The following KLHL22 variants were observed in gnomAD, a reference collection of about 807,000 sequenced individuals.
KLHL22 encodes kelch-like protein 22.
In KLHL22, 18 loss-of-function variants were observed where a neutral mutation model predicts 60.7. The ratio of observed to expected loss-of-function variants is 0.30; its 90% CI spans 0.20 to 0.44. The LOEUF is 0.44. KLHL22 is among the 20% of genes least tolerant of loss of function. The pLI, the probability that KLHL22 is intolerant of heterozygous loss-of-function variation, is 1.00. For missense variants in KLHL22, 596 were observed against 852.3 expected (o/e 0.70, Z 3.74); for synonymous variants, 355 against 354.5 (o/e 1.00, Z -0.01).
intron 4 of KLHL22, among the ~76,000 whole-genome samples, chr22:20,458,488 C>T (rs1321551565): frequency 7.5e-6 from 1 of 133,442 alleles, no homozygotes; most frequent in Admixed American, 8.1e-5. Flanking sequence ...AAGGTCTTGA[C>T]ACCTGGGATA....
chr22:20,469,476 T>A (rs531358330), intron 3 of KLHL22, among the ~76,000 whole-genome samples: 1 of 152,276 alleles, frequency 6.6e-6, no homozygotes, highest in South Asian at 2.1e-4. Flanking sequence ...AATCAGGAGT[T>A]AACTGCTGCC....
intron 4 of KLHL22, among the ~76,000 whole-genome samples, chr22:20,458,773 C>G (rs1190780463): frequency 6.6e-6 from 1 of 152,102 alleles, no homozygotes; most frequent in African/African-American, 2.4e-5. Context: ...ACACAAGGCT[C>G]TGGTCATCGT....
At chr22:20,484,254 A>G (rs2053551876) in intron 2 of KLHL22, 2 of 388,598 alleles carry the variant, frequency 5.1e-6, no homozygotes, top group South Asian at 2.1e-5. Flanking sequence ...CAGCCTCCCA[A>G]AGTGCTAGGA....
At position 20,465,004 on chromosome 22, in the gene KLHL22, G is replaced by GTT. The variant is rs1352229559; in HGVS notation, c.964_965dup (p.Asn322LysfsTer33). On this transcript the variant is annotated frameshift_variant, in exon 4 of 7. Coordinates refer to ENST00000328879, the MANE Select transcript of KLHL22 (RefSeq NM_032775.4). LOFTEE classifies it high-confidence loss of function. The surrounding 1 kb of genome is among the most constrained non-coding windows in gnomAD (Gnocchi z 4.9). ...AGTGCTTCCACTCTCCCAGTAAGGG[G>GTT]TTTAGATACTTGGCCTGGTCGCTGA... The GTT allele has an allele frequency of 3.1e-6, 5 of 1,612,028 alleles. No homozygotes were observed. The highest frequency in any genetic ancestry group is 1.3e-5 in the African/African-American group (1 of 74,922).
intron 2 of KLHL22, chr22:20,488,681 A>AGGGCGGGGAGGGGAGGGGAGAGGAG: frequency 2.6e-6 from 1 of 382,704 alleles, no homozygotes; most frequent in Non-Finnish European, 4.8e-6. Context: ...AGGAATGGTA[A>AGGGCGGGGAGGGGAGGGGAGAGGAG]GGGAGGGGAG....
At chr22:20,472,504 T>A (rs1352559832) in intron 2 of KLHL22, among the ~76,000 whole-genome samples, 1 of 152,062 alleles carries the variant, frequency 6.6e-6, no homozygotes, top group Non-Finnish European at 1.5e-5. Context: ...GGCGGGCAGA[T>A]CACCTGAGGT....
chr22:20,450,980 G>A (rs2052967696), intron 5 of KLHL22: 27 of 1,580,454 alleles, frequency 1.7e-5, no homozygotes, highest in Non-Finnish European at 2.3e-5. Flanking sequence ...GTGGCTGGGG[G>A]CTTCGGAAGC....
chr22:20,442,041 C>T lies in KLHL22; in HGVS notation c.*32G>A. 6.7e-7 allele frequency: 1 copy of T among 1,489,662 alleles called. No individual in the cohort carries two copies. The allele number at this position is 1,489,662 out of a possible 1,614,324, so 92.3% of individuals were successfully genotyped here. ...GGTTTCACTGCCCTGCAGCCCCAGC[C>T]TCCCTTCCCTCTGATGCCAGGCACA... On this transcript the variant is annotated 3_prime_UTR_variant, in exon 7 of 7. Coordinates refer to ENST00000328879, the MANE Select transcript of KLHL22 (RefSeq NM_032775.4).
In KLHL22 at chr22:20,493,159, A is replaced by C. The variant is rs559282354; in HGVS notation, c.-34+2601T>G. ...AGGTGGATCCTCACCTTCCGTGAGC[A>C]TAGTAGTGCCTCTGCTCTCTTGGGA... On this transcript the variant is annotated intron_variant, in intron 1 of 6. Transcript: ENST00000328879. The C allele has an allele frequency of 2.3e-5, 11 of 471,280 alleles. No homozygotes were observed. The Admixed American group carries it at 2.6e-4, about 11-fold the overall frequency. The allele number at this position is 471,280 out of a possible 1,614,324, so 29.2% of individuals were successfully genotyped here.
intron 2 of KLHL22, among the ~76,000 whole-genome samples, chr22:20,484,268 C>T (rs2053552080): frequency 6.6e-6 from 1 of 152,098 alleles, no homozygotes; most frequent in African/African-American, 2.4e-5. Flanking sequence ...GCTAGGATTA[C>T]AGGCATGAGC....
intron 6 of KLHL22, 26 bp downstream of exon 6, chr22:20,446,417 T>C: frequency 3.2e-6 from 4 of 1,268,214 alleles, no homozygotes; most frequent in South Asian, 1.2e-5. Flanking sequence ...TGATGACGGG[T>C]GTGGACTGCC....
intron 1 of KLHL22, among the ~76,000 whole-genome samples, chr22:20,493,598 A>G (rs1254092421): frequency 6.7e-6 from 1 of 148,432 alleles, no homozygotes; most frequent in Non-Finnish European, 1.5e-5. Context: ...TGGCCAACAT[A>G]GTGAAACCCC....
chr22:20,473,588 A>T (rs1288933285), intron 2 of KLHL22, among the ~76,000 whole-genome samples: 5 of 152,238 alleles, frequency 3.3e-5, no homozygotes, highest in African/African-American at 9.6e-5. Flanking sequence ...AATACAGTAT[A>T]GGTTAGGCCG....
chr22:20,444,490 C>A (rs1020983605), intron 6 of KLHL22, among the ~76,000 whole-genome samples: 1 of 152,086 alleles, frequency 6.6e-6, no homozygotes, highest in Non-Finnish European at 1.5e-5. Context: ...TCGCCAAGAC[C>A]CACCCTCAGG....
intron 2 of KLHL22, chr22:20,484,103 C>A: frequency 1.1e-6 from 1 of 929,876 alleles, no homozygotes; most frequent in South Asian, 1.3e-5. Flanking sequence ...TGGTGAAGCT[C>A]ATGCTGTCCG....
At chr22:20,452,636 A>AT (rs2052997922) in intron 5 of KLHL22, among the ~76,000 whole-genome samples, 1 of 152,240 alleles carries the variant, frequency 6.6e-6, no homozygotes, top group African/African-American at 2.4e-5. Context: ...GGAGTTCAGT[A>AT]TAACTGGGGA....
At chr22:20,474,639 G>T (rs112756688) in intron 2 of KLHL22, among the ~76,000 whole-genome samples, 5,414 of 152,186 alleles carry the variant, frequency 0.036, 316 homozygotes, top group African/African-American at 0.12. Flanking sequence ...TGATCCACCC[G>T]CCTCAGCCTC....
Position 20,465,623 on chromosome 22 carries a change from T to TCTGGAGATG in KLHL22, c.394-48_394-47insCATCTCCAG. On this transcript the variant is annotated intron_variant, in intron 3 of 6. Coordinates refer to ENST00000328879, the MANE Select transcript of KLHL22 (RefSeq NM_032775.4). This position sits in a 1 kb window ranked among gnomAD's most constrained non-coding sequence, Gnocchi z 4.9. ...TTCAAGCCTGGGCTGGTGAACAGCA[T>TCTGGAGATG]CTGGGGGTGGGAGAGAGAATGATGG... The TCTGGAGATG allele has an allele frequency of 1.1e-6, 1 of 933,712 alleles. No homozygotes were observed. Among genetic ancestry groups the TCTGGAGATG allele is most frequent in the South Asian group, 1.3e-5 (1 of 77,580 alleles). 57.8% of individuals were successfully genotyped at this position (933,712 alleles called of 1,614,324 possible).
Position 20,465,628 on chromosome 22 carries a change from G to A in KLHL22, c.394-52C>T, listed in dbSNP as rs746756326. The A allele has an allele frequency of 3.3e-6, 3 of 895,642 alleles. No homozygotes were observed. The highest frequency in any genetic ancestry group is 5.7e-6 in the Non-Finnish European group (3 of 525,818). 55.5% of individuals were successfully genotyped at this position (895,642 alleles called of 1,614,324 possible). A position where few individuals can be genotyped will look rare whatever the true frequency, so the allele number is the denominator to read the frequency against. On this transcript the variant is annotated intron_variant, in intron 3 of 6. Coordinates refer to ENST00000328879, the MANE Select transcript of KLHL22 (RefSeq NM_032775.4). This position sits in a 1 kb window ranked among gnomAD's most constrained non-coding sequence, Gnocchi z 4.9. ...GCCTGGGCTGGTGAACAGCATCTGG[G>A]GGTGGGAGAGAGAATGATGGCAGAA...
Sources: gnomAD v4.1 joint callset for allele counts (sites outside exome capture counted in the v4.1 genomes callset) on GRCh38, gnomAD v4.1.1 for gene constraint, Gnocchi (gnomAD v3.1) non-coding constraint, MANE v1.5 for transcripts, NCBI Gene and HGNC (gene_info 2026-07-23, HGNC 2026-07-21) for gene names.